HECW1: variants seen among roughly 807,000 people sequenced by gnomAD.
HECW1 encodes HECT, C2 and WW domain containing E3 ubiquitin protein ligase 1, also known as E3 ubiquitin-protein ligase HECW1.
Under a neutral mutation model 182.3 loss-of-function variants are expected in HECW1, and 61 were observed. The observed-to-expected ratio is 0.33, with a 90% CI of 0.27 to 0.41. The LOEUF is 0.41. HECW1 is among the 10% of genes least tolerant of loss of function. The pLI is 1.00. For synonymous variants in HECW1, 859 were observed against 832.6 expected (o/e 1.03, Z -0.55); for missense variants, 1,739 against 2,108.9 (o/e 0.82, Z 3.44).
intron 3 of HECW1, among the ~76,000 whole-genome samples, chr7:43,276,254 T>G (rs575873218): frequency 6.6e-6 from 1 of 152,300 alleles, no homozygotes; most frequent in Admixed American, 6.5e-5. Flanking sequence ...TTAGAGTTAC[T>G]AAAAGGCCAG....
At chr7:43,509,214 G>C in intron 24 of HECW1, 93 bp downstream of exon 24, 1 of 1,262,024 alleles carries the variant, frequency 7.9e-7, no homozygotes, top group Non-Finnish European at 1.1e-6. Context: ...ACTGTGTTTA[G>C]AGCAGTGGCC....
chr7:43,296,802 A>G (rs778542524), intron 3 of HECW1, among the ~76,000 whole-genome samples: 138 of 152,218 alleles, frequency 9.1e-4, no homozygotes, highest in Non-Finnish European at 1.7e-3. Flanking sequence ...TGCGGCCTCC[A>G]CAGCTCTGCT....
intron 2 of HECW1, among the ~76,000 whole-genome samples, chr7:43,138,551 G>A (rs553446922): frequency 6.6e-6 from 1 of 152,246 alleles, no homozygotes; most frequent in South Asian, 2.1e-4. Context: ...TTGCTTTTCT[G>A]TCTGGATATG....
chr7:43,193,942 A>G (rs565455588), intron 2 of HECW1, among the ~76,000 whole-genome samples: 17 of 152,338 alleles, frequency 1.1e-4, no homozygotes, highest in African/African-American at 3.8e-4. Context: ...ATTTCAAAAT[A>G]TGTCAAAAAA....
At chr7:43,132,910 G>C (rs916459551) in intron 2 of HECW1, among the ~76,000 whole-genome samples, 1 of 152,002 alleles carries the variant, frequency 6.6e-6, no homozygotes, top group Non-Finnish European at 1.5e-5. Context: ...TTTAGTTCTT[G>C]TCTTTAATTA....
chr7:43,346,902 G>A (rs1343825313), intron 5 of HECW1, among the ~76,000 whole-genome samples: 2 of 152,170 alleles, frequency 1.3e-5, no homozygotes, highest in African/African-American at 2.4e-5. Context: ...TGGCCTTATA[G>A]TATAGCTTGA....
At chr7:43,442,503 C>T in intron 9 of HECW1, 26 bp from the exon 10 acceptor site, 1 of 1,521,066 alleles carries the variant, frequency 6.6e-7, no homozygotes, top group Non-Finnish European at 9.1e-7. Context: ...TTGACCAGAA[C>T]TGTGATGGTG....
chr7:43,425,456 T>G lies in HECW1; in HGVS notation c.802-12547T>G, dbSNP rs80005975. 1.1e-3 allele frequency among the ~76,000 whole-genome samples: 165 copies of G among 152,314 alleles called. 1 individual carries two copies. In the East Asian group the frequency reaches 0.028, roughly 26 times the overall value. On this transcript the variant is annotated intron_variant, in intron 8 of 29. Transcript: ENST00000395891. ...TAATCCAATCAAGTCTAATTTTATATTCAGCTTACCTCTCTTGTTTCTTGC... is the reference window on the plus strand; with the variant it reads ...TAATCCAATCAAGTCTAATTTTATAGTCAGCTTACCTCTCTTGTTTCTTGC...
At chr7:43,277,003 A>G (rs1327144724) in intron 3 of HECW1, among the ~76,000 whole-genome samples, 2 of 152,200 alleles carry the variant, frequency 1.3e-5, no homozygotes, top group South Asian at 4.1e-4. Flanking sequence ...TGTTGGCCAG[A>G]AGCCTCATTT....
chr7:43,317,286 T>C (rs1809443820), intron 4 of HECW1, among the ~76,000 whole-genome samples: 1 of 152,210 alleles, frequency 6.6e-6, no homozygotes, highest in African/African-American at 2.4e-5. Context: ...CTGGTCACTG[T>C]CTTCGCCGGT....
intron 5 of HECW1, among the ~76,000 whole-genome samples, chr7:43,324,855 A>AT (rs1810575814): frequency 6.6e-6 from 1 of 151,888 alleles, no homozygotes; most frequent in Non-Finnish European, 1.5e-5. Context: ...TTTTCCCTTT[A>AT]TTTTTTCCTT....
intron 26 of HECW1, among the ~76,000 whole-genome samples, chr7:43,547,925 TAC>T (rs1379189272): frequency 2.0e-5 from 3 of 152,278 alleles, no homozygotes; most frequent in African/African-American, 7.2e-5. Flanking sequence ...TTTACTGTGA[TAC>T]ACAGTTTACT....
intron 19 of HECW1, among the ~76,000 whole-genome samples, chr7:43,497,646 G>A (rs1044537364): frequency 1.3e-4 from 20 of 152,174 alleles, no homozygotes; most frequent in African/African-American, 4.6e-4. Flanking sequence ...CATGATGATG[G>A]TCGTGTGGAT....
intron 6 of HECW1, among the ~76,000 whole-genome samples, chr7:43,380,329 G>A (rs1050786620): frequency 4.6e-5 from 7 of 152,048 alleles, no homozygotes; most frequent in Non-Finnish European, 1.0e-4. Flanking sequence ...CTCCCAAAGT[G>A]CTGGGATTAC....
intron 7 of HECW1, among the ~76,000 whole-genome samples, chr7:43,397,210 G>C (rs147860708): frequency 3.3e-5 from 5 of 152,254 alleles, no homozygotes; most frequent in African/African-American, 1.2e-4. Flanking sequence ...GGGAAGAGAA[G>C]CAGCTATTCA....
At chr7:43,257,462 T>C (rs1243338820) in intron 3 of HECW1, among the ~76,000 whole-genome samples, 1 of 152,102 alleles carries the variant, frequency 6.6e-6, no homozygotes, top group African/African-American at 2.4e-5. Flanking sequence ...CTGATATTAG[T>C]AAGGCAGATT....
At chr7:43,547,062 T>C (rs1318022638) in intron 26 of HECW1, among the ~76,000 whole-genome samples, 1 of 152,230 alleles carries the variant, frequency 6.6e-6, no homozygotes, top group Non-Finnish European at 1.5e-5. Context: ...TCTTCTTATC[T>C]TGACATTTTT....
rs769893552 is a variant in HECW1, at chr7:43,507,246, G to A, written c.3741G>A (p.Pro1247=). 16 of 1,612,540 alleles carry A rather than the reference G, an allele frequency of 9.9e-6. No individual in the cohort carries two copies. The highest frequency in any genetic ancestry group is 2.7e-5 in the African/African-American group (2 of 74,876). ...KLEAKGFGQG[P]GKIKLIIRRD... ...AAGCCAAAGGATTTGGTCAGGGTCCGGGGAAAATTAAGTGAGTGCTCCAGT... is the reference window on the plus strand; with the variant it reads ...AAGCCAAAGGATTTGGTCAGGGTCCAGGGAAAATTAAGTGAGTGCTCCAGT... The change falls in exon 22 of 30, where the codon CCG becomes CCA. Residue 1247 remains proline (P), a synonymous_variant. Coordinates refer to ENST00000395891, the MANE Select transcript of HECW1 (RefSeq NM_015052.5).
At chr7:43,274,380 G>A (rs745308893) in intron 3 of HECW1, 2 of 644,934 alleles carry the variant, frequency 3.1e-6, no homozygotes, top group African/African-American at 1.8e-5. Flanking sequence ...TCCCCCTGCG[G>A]GTAAAGAACT....
Sources: gnomAD v4.1 joint callset for allele counts (sites outside exome capture counted in the v4.1 genomes callset) on GRCh38, gnomAD v4.1.1 for gene constraint, MANE v1.5 for transcripts, NCBI Gene and HGNC (gene_info 2026-07-23, HGNC 2026-07-21) for gene names.